The following CNTNAP4 variants were observed in gnomAD, a reference collection of about 807,000 sequenced individuals.
CNTNAP4 encodes contactin associated protein family member 4.
Under a neutral mutation model 148.4 loss-of-function variants are expected in CNTNAP4, and 98 were observed. The ratio of observed to expected loss-of-function variants is 0.66; its 90% CI spans 0.56 to 0.78. The LOEUF is 0.78. Ranked by LOEUF, CNTNAP4 falls within the 30% of genes least tolerant of loss-of-function variation. The pLI is 0.00. For synonymous variants in CNTNAP4, 730 were observed against 565.1 expected, an observed-to-expected ratio of 1.29 and a Z score of -4.14; for missense variants, 1,935 against 1,565.6, an observed-to-expected ratio of 1.24 and a Z score of -3.98.
In CNTNAP4 at chr16:76,315,665, G is replaced by T. The variant is rs558678790; in HGVS notation, c.86-748G>T. Among the ~76,000 whole-genome samples the T allele has an allele frequency of 2.0e-5, 3 of 151,894 alleles. No individual in the cohort carries two copies. In the East Asian group the frequency reaches 5.8e-4, roughly 29 times the overall value. ...GCTGGAGTGCAGTGGTGTGATCTCG[G>T]CTCACTGCAACCTCTGCCTCTCAGG... On this transcript the variant is annotated intron_variant, in intron 1 of 23. Coordinates refer to ENST00000611870, the MANE Select transcript of CNTNAP4 (RefSeq NM_033401.5).
At chr16:76,383,407 A>C (rs1323843064) in intron 3 of CNTNAP4, among the ~76,000 whole-genome samples, 3 of 152,008 alleles carry the variant, frequency 2.0e-5, no homozygotes, top group Admixed American at 6.6e-5. Context: ...AAAAAAAAAA[A>C]AAAAACGTAT....
At chr16:76,404,688 T>C (rs116129309) in intron 3 of CNTNAP4, among the ~76,000 whole-genome samples, 3,801 of 152,226 alleles carry the variant, frequency 0.025, 142 homozygotes, top group African/African-American at 0.087. Flanking sequence ...CAATGAATAA[T>C]ACATGAAATT....
chr16:76,553,756 TA>T, intron 22 of CNTNAP4, 79 bp from the exon 23 acceptor site: 1 of 905,904 alleles, frequency 1.1e-6, no homozygotes, highest in Non-Finnish European at 1.7e-6. Context: ...CTCTGTGGTT[TA>T]AAACATTTAT....
At chr16:76,532,280 G>C (rs1246188535) in intron 17 of CNTNAP4, among the ~76,000 whole-genome samples, 1 of 152,202 alleles carries the variant, frequency 6.6e-6, no homozygotes, top group Admixed American at 6.5e-5. Context: ...CCTTGGAATG[G>C]AAGGCTATCT....
chr16:76,534,070 G>A (rs1371760191), intron 17 of CNTNAP4, among the ~76,000 whole-genome samples: 2 of 152,116 alleles, frequency 1.3e-5, no homozygotes, highest in Non-Finnish European at 2.9e-5. Flanking sequence ...TAGTTTATTA[G>A]AAATGTTCAT....
chr16:76,460,840 A>G (rs189972906), intron 8 of CNTNAP4, among the ~76,000 whole-genome samples: 297 of 143,754 alleles, frequency 2.1e-3, no homozygotes, highest in Admixed American at 5.3e-3. Flanking sequence ...CACATTGTTT[A>G]CTATAGTTAT....
intron 15 of CNTNAP4, among the ~76,000 whole-genome samples, chr16:76,506,235 C>A (rs2082829602): frequency 1.0e-5 from 1 of 95,862 alleles, no homozygotes; most frequent in African/African-American, 2.6e-5. Context: ...TTTAGACCAA[C>A]AGTTCCTCCA....
intron 19 of CNTNAP4, among the ~76,000 whole-genome samples, chr16:76,539,055 C>T (rs1255666946): frequency 2.0e-5 from 3 of 151,482 alleles, no homozygotes; most frequent in East Asian, 3.9e-4. Context: ...TAAGATTGTT[C>T]GATAAGTGTA....
intron 4 of CNTNAP4, among the ~76,000 whole-genome samples, chr16:76,431,407 C>T (rs9936919): frequency 6.6e-6 from 1 of 151,934 alleles, no homozygotes; most frequent in Non-Finnish European, 1.5e-5. Flanking sequence ...GGGCAAGGCG[C>T]GGTGGCTCAT....
At chr16:76,499,508 T>C (rs2082539199) in intron 15 of CNTNAP4, among the ~76,000 whole-genome samples, 1 of 152,056 alleles carries the variant, frequency 6.6e-6, no homozygotes, top group Non-Finnish European at 1.5e-5. Flanking sequence ...TTTATTTCTA[T>C]AGAGCTAATT....
intron 3 of CNTNAP4, among the ~76,000 whole-genome samples, chr16:76,389,384 A>G (rs4888494): frequency 0.66 from 99,988 of 152,112 alleles, 33,672 homozygotes; most frequent in East Asian, 0.89. Context: ...ATTTCTGGCA[A>G]CGTTGCTTGT....
chr16:76,316,608 A>G, intron 2 of CNTNAP4, 85 bp downstream of exon 2: 1 of 861,004 alleles, frequency 1.2e-6, no homozygotes, highest in Non-Finnish European at 1.9e-6. Flanking sequence ...TATGAATGAT[A>G]CATGGTAAAA....
intron 2 of CNTNAP4, among the ~76,000 whole-genome samples, chr16:76,317,252 C>CAAAAAAAAAAAAAAAAAAAAAAA (rs11149891): frequency 1.2e-5 from 1 of 86,282 alleles, no homozygotes; most frequent in Non-Finnish European, 2.4e-5. Context: ...GACCCTGTCT[C>CAAAAAAAAAAAAAAAAAAAAAAA]AAAAAAAAAA....
At chr16:76,306,306 G>T (rs1019540330) in intron 1 of CNTNAP4, among the ~76,000 whole-genome samples, 1 of 152,086 alleles carries the variant, frequency 6.6e-6, no homozygotes, top group Admixed American at 6.6e-5. Flanking sequence ...CAGTTAGTTG[G>T]TTTTGATATT....
At chr16:76,371,565 A>T (rs996979000) in intron 3 of CNTNAP4, among the ~76,000 whole-genome samples, 6 of 152,214 alleles carry the variant, frequency 3.9e-5, no homozygotes. Flanking sequence ...GATTACAGGC[A>T]TGAGCCACCA....
In CNTNAP4 at chr16:76,560,439, A is replaced by G. The variant is rs144054699; in HGVS notation, c.*1756A>G. 1.2e-3 allele frequency among the ~76,000 whole-genome samples: 189 copies of G among 152,332 alleles called. 1 individual carries two copies. The highest frequency in any genetic ancestry group is 1.2e-3 in the South Asian group (6 of 4,822). On this transcript the variant is annotated 3_prime_UTR_variant, in exon 24 of 24. Coordinates refer to ENST00000611870, the MANE Select transcript of CNTNAP4 (RefSeq NM_033401.5). ...TGGTAGATGGTATACTCTTTGTTTG[A>G]TTGGAAGATCTATGGTGACAAGGGA...
At chr16:76,341,347 C>T (rs754931117) in intron 2 of CNTNAP4, among the ~76,000 whole-genome samples, 1 of 152,070 alleles carries the variant, frequency 6.6e-6, no homozygotes, top group African/African-American at 2.4e-5. Flanking sequence ...TGCCCCCCAC[C>T]CAGTGACAAG....
chr16:76,286,451 A>G (rs1200464738), intron 1 of CNTNAP4, among the ~76,000 whole-genome samples: 4 of 152,070 alleles, frequency 2.6e-5, no homozygotes, highest in Non-Finnish European at 4.4e-5. Context: ...CAAACAGAGA[A>G]GTGATATTAC....
At chr16:76,320,090 T>C (rs1055658628) in intron 2 of CNTNAP4, among the ~76,000 whole-genome samples, 4 of 152,160 alleles carry the variant, frequency 2.6e-5, no homozygotes, top group Admixed American at 2.6e-4. Flanking sequence ...GAAAAGACCG[T>C]TGGTGTAAAT....
Sources: allele counts gnomAD v4.1 joint callset (sites outside exome capture counted in the v4.1 genomes callset), GRCh38; gene constraint gnomAD v4.1.1; transcripts MANE v1.5; gene names NCBI Gene and HGNC (gene_info 2026-07-23, HGNC 2026-07-21).